Variants in ERG observed in about 807,000 individuals in gnomAD.
ERG encodes the protein transcriptional regulator ERG.
A neutral mutation model predicts 55.3 loss-of-function variants in ERG; 9 were observed. The ratio of observed to expected loss-of-function variants is 0.16; its 90% CI spans 0.10 to 0.28. ERG has a LOEUF of 0.28. Among genes scored for constraint, ERG ranks in the 10% least tolerant of loss-of-function variants. The pLI is 1.00. For synonymous variants in ERG, 223 were observed against 237.3 expected (o/e 0.94, Z 0.55); for missense variants, 434 against 631.6 (o/e 0.69, Z 3.35).
rs1199104311 is a variant in ERG at position 38,498,387 on chromosome 21, A to G, written c.-7T>C. On this transcript the variant is annotated 5_prime_UTR_variant, in exon 1 of 10. Transcript: ENST00000288319. The surrounding 1 kb of genome is among the most constrained non-coding windows in gnomAD (Gnocchi z 4.6). The stretch of plus-strand genomic sequence containing the variant: ...CCTTAATAGTGCTGGCCATAATGCG[A>G]TCAAGTTTATTGATCGTTAATAAAT... 2.5e-6 allele frequency: 4 copies of G among 1,601,204 alleles called. No homozygotes were observed. The highest frequency in any genetic ancestry group is 2.6e-6 in the Non-Finnish European group (3 of 1,172,438).
chr21:38,559,686 A>AT (rs917471882), intron 2 of ERG, among the ~76,000 whole-genome samples: 6 of 150,954 alleles, frequency 4.0e-5, no homozygotes, highest in Non-Finnish European at 3.0e-5. Flanking sequence ...TTTAATAATC[A>AT]TTTTTTTTTC....
chr21:38,566,748 A>G (rs984939275), intron 2 of ERG, among the ~76,000 whole-genome samples: 1 of 152,222 alleles, frequency 6.6e-6, no homozygotes, highest in Non-Finnish European at 1.5e-5. Flanking sequence ...ATATTTATCG[A>G]TTATCTAAGG....
intron 1 of ERG, among the ~76,000 whole-genome samples, chr21:38,470,050 G>C (rs7277642): frequency 0.14 from 20,549 of 152,166 alleles, 1,556 homozygotes; most frequent in East Asian, 0.36. Context: ...GGGCAGGGAT[G>C]TATCTGATTC....
At chr21:38,444,694 T>C (rs7283704) in intron 2 of ERG, among the ~76,000 whole-genome samples, 143,221 of 149,750 alleles carry the variant, frequency 0.96, 68,544 homozygotes, top group East Asian at 1. Context: ...TGGGAGACAC[T>C]GGAGAGGGCT....
At chr21:38,421,109 T>G (rs1005003552) in intron 3 of ERG, among the ~76,000 whole-genome samples, 7 of 152,072 alleles carry the variant, frequency 4.6e-5, no homozygotes, top group African/African-American at 1.7e-4. Context: ...CCTGGGACAT[T>G]TGTGTTTCTA....
At chr21:38,398,794 C>G (rs1362928437) in intron 6 of ERG, among the ~76,000 whole-genome samples, 1 of 152,182 alleles carries the variant, frequency 6.6e-6, no homozygotes, top group Admixed American at 6.5e-5. Flanking sequence ...AGAGATTGTG[C>G]CAATGAATTT....
At chr21:38,610,526 C>CGTGT (rs148197703) in intron 1 of ERG, among the ~76,000 whole-genome samples, 2,260 of 150,492 alleles carry the variant, frequency 0.015, 38 homozygotes, top group African/African-American at 0.038. Flanking sequence ...CGCGCACGCG[C>CGTGT]GTGTGTGTGT....
At chr21:38,634,323 T>C (rs981657481) in intron 1 of ERG, among the ~76,000 whole-genome samples, 27 of 152,166 alleles carry the variant, frequency 1.8e-4, no homozygotes, top group African/African-American at 5.8e-4. Context: ...GAAAAGTAGA[T>C]ACGATGATGG....
intron 1 of ERG, among the ~76,000 whole-genome samples, chr21:38,616,008 G>A (rs149135179): frequency 8.0e-4 from 122 of 152,140 alleles, no homozygotes; most frequent in Middle Eastern, 3.4e-3. Context: ...TCAAGGGAGG[G>A]ACCTGTAAAC....
intron 3 of ERG, among the ~76,000 whole-genome samples, chr21:38,416,882 G>A (rs3787894): frequency 0.5 from 76,336 of 152,010 alleles, 20,129 homozygotes; most frequent in Non-Finnish European, 0.59. Context: ...AAAATGCAGC[G>A]CGTGAGTTGG....
At chr21:38,585,389 C>T (rs2060055893), upstream of ERG, among the ~76,000 whole-genome samples, 1 of 152,042 alleles carries the variant, frequency 6.6e-6, no homozygotes, top group African/African-American at 2.4e-5. Context: ...AGAAAAGAAA[C>T]AACCCTTTTA....
downstream of ERG, among the ~76,000 whole-genome samples, chr21:38,375,080 G>T (rs954081367): frequency 4.6e-5 from 7 of 152,100 alleles, no homozygotes; most frequent in Non-Finnish European, 8.8e-5. Flanking sequence ...ATGCTAAGCT[G>T]CCCTACTCCA....
chr21:38,507,347 T>A (rs1212623301), intron 2 of ERG, among the ~76,000 whole-genome samples: 2 of 152,228 alleles, frequency 1.3e-5, no homozygotes, highest in African/African-American at 2.4e-5. Context: ...ATTTAATTCA[T>A]TTGTGCCAAT....
At chr21:38,427,650 A>G (rs1989897375) in intron 2 of ERG, among the ~76,000 whole-genome samples, 1 of 152,120 alleles carries the variant, frequency 6.6e-6, no homozygotes, top group South Asian at 2.1e-4. Context: ...AAGGCAAGAC[A>G]ATGTCTTTTC....
At chr21:38,423,627 A>C in intron 2 of ERG, 66 bp from the exon 3 acceptor site, 4 of 1,500,298 alleles carry the variant, frequency 2.7e-6, no homozygotes, top group Non-Finnish European at 3.6e-6. Context: ...TCGACTTCTC[A>C]CAATACACAG....
At chr21:38,415,433 C>T (rs573287957) in intron 3 of ERG, among the ~76,000 whole-genome samples, 149 of 152,244 alleles carry the variant, frequency 9.8e-4, no homozygotes, top group African/African-American at 3.2e-3. Context: ...TTTCCTCAAC[C>T]GCTATTCAGC....
At position 38,383,591 on chromosome 21, in the gene ERG, T is replaced by G. The variant is rs1203601203; in HGVS notation, c.1252A>C (p.Met418Leu). The part of the protein sequence containing the change: ...LYKYPSDLPY[M>L]GSYHAHPQKM... ...TGTGGGTGGGCGTGATAGGAGCCCA[T>G]GTACGGGAGGTCTGAGGGGTACTTG... The change falls in exon 10 of 10, where the codon ATG becomes CTG. Residue 418 changes from methionine (M) to leucine (L), a missense_variant. Transcript: ENST00000288319. This position sits in a 1 kb window ranked among gnomAD's most constrained non-coding sequence, Gnocchi z 5.7. The G allele has an allele frequency of 8.7e-6, 14 of 1,610,886 alleles. No individual in the cohort carries two copies. The highest frequency in any genetic ancestry group is 1.3e-5 in the African/African-American group (1 of 74,670).
intron 2 of ERG, among the ~76,000 whole-genome samples, chr21:38,568,853 C>T (rs1171413137): frequency 2.0e-5 from 3 of 152,150 alleles, no homozygotes; most frequent in East Asian, 1.9e-4. Flanking sequence ...ATCAAGCACC[C>T]GAGGGTCACC....
chr21:38,510,434 A>C (rs1021113516), intron 2 of ERG, among the ~76,000 whole-genome samples: 8 of 152,218 alleles, frequency 5.3e-5, no homozygotes, highest in African/African-American at 1.9e-4. Flanking sequence ...TTTTTCTTTA[A>C]CAGCCAGAAC....
Sources: gnomAD v4.1 joint callset for allele counts (sites outside exome capture counted in the v4.1 genomes callset) on GRCh38, gnomAD v4.1.1 for gene constraint, Gnocchi (gnomAD v3.1) non-coding constraint, MANE v1.5 for transcripts, NCBI Gene and HGNC (gene_info 2026-07-23, HGNC 2026-07-21) for gene names.